Variants in THADA observed in about 807,000 individuals in gnomAD.
The protein encoded by THADA is THADA armadillo repeat containing.
In THADA, 213 loss-of-function variants were observed where a neutral mutation model predicts 219.8. The ratio of observed to expected loss-of-function variants is 0.97; its 90% CI spans 0.87 to 1.09. The LOEUF (loss-of-function observed/expected upper bound fraction) is 1.09. Among genes scored for constraint, THADA ranks in the 50% least tolerant of loss-of-function variants. THADA has a pLI of 0.00. For missense variants in THADA, 2,956 were observed against 2,311.3 expected, an observed-to-expected ratio of 1.28 and a Z score of -5.72; for synonymous variants, 1,018 against 828.9, an observed-to-expected ratio of 1.23 and a Z score of -3.92.
chr2:43,309,226 T>C (rs1390472069), intron 31 of THADA, among the ~76,000 whole-genome samples: 1 of 152,218 alleles, frequency 6.6e-6, no homozygotes, highest in Non-Finnish European at 1.5e-5. Context: ...CTCAACATTA[T>C]CAGCCATGCT....
intron 25 of THADA, among the ~76,000 whole-genome samples, chr2:43,490,381 G>A (rs1429454618): frequency 1.3e-5 from 2 of 152,164 alleles, no homozygotes; most frequent in African/African-American, 4.8e-5. Flanking sequence ...TTGAATAGGA[G>A]TGACAAGAGT....
chr2:43,454,016 C>G (rs1291240302), intron 26 of THADA, among the ~76,000 whole-genome samples: 2 of 152,146 alleles, frequency 1.3e-5, no homozygotes, highest in African/African-American at 2.4e-5. Flanking sequence ...GTAGCTAGGA[C>G]TACAGGCATG....
chr2:43,289,113 A>C lies in THADA; in HGVS notation c.5011-2052T>G, dbSNP rs138441534. Among the ~76,000 whole-genome samples, 281 of 152,316 alleles carry C rather than the reference A, an allele frequency of 1.8e-3. 1 individual carries two copies. The highest frequency in any genetic ancestry group is 6.5e-3 in the African/African-American group (271 of 41,580). Reference sequence around the variant, plus strand: ...TTCTTTTACTTAGCATAATGTTTTCAAGGTTCACCCATGCCGTAGGATGTA... The same window carrying C: ...TTCTTTTACTTAGCATAATGTTTTCCAGGTTCACCCATGCCGTAGGATGTA... On this transcript the variant is annotated intron_variant, in intron 34 of 37. Transcript: ENST00000405975.
rs1160949334 is a variant in THADA at position 43,502,383 on chromosome 2, G to A, written c.3621+3239C>T. Among the ~76,000 whole-genome samples the A allele has an allele frequency of 4.6e-5, 7 of 152,150 alleles. No individual in the cohort carries two copies. The South Asian group carries it at 1.2e-3, about 27-fold the overall frequency. On this transcript the variant is annotated intron_variant, in intron 24 of 37. Transcript: ENST00000405975. ...GAGAATCACCTGAGGTCAGGAGTTCGAGACTAGCCTGGTCAACATGGCAAA... is the reference window on the plus strand; with the variant it reads ...GAGAATCACCTGAGGTCAGGAGTTCAAGACTAGCCTGGTCAACATGGCAAA...
chr2:43,365,581 A>G (rs1435068225), intron 29 of THADA, among the ~76,000 whole-genome samples: 3 of 151,862 alleles, frequency 2.0e-5, no homozygotes, highest in African/African-American at 7.2e-5. Context: ...ACACACACAC[A>G]CACACACACA....
chr2:43,231,486 C>G (rs1667412193), intron 37 of THADA, 143 bp from the exon 38 acceptor site: 1 of 703,226 alleles, frequency 1.4e-6, no homozygotes, highest in African/African-American at 1.8e-5. Flanking sequence ...TGTCAACATC[C>G]ATGTACACAC....
chr2:43,506,055 C>T (rs1235913466), intron 23 of THADA, among the ~76,000 whole-genome samples: 1 of 152,182 alleles, frequency 6.6e-6, no homozygotes, highest in African/African-American at 2.4e-5. Flanking sequence ...AAGTAGGTGG[C>T]AGCTCTGATA....
Position 43,397,835 on chromosome 2 carries a change from C to T in THADA, c.4227+136G>A, listed in dbSNP as rs115460732. On this transcript the variant is annotated intron_variant, in intron 29 of 37. Transcript: ENST00000405975. ...TATAACTAGGAGATACCTGATCTTT[C>T]GGAAGTAGAAAAAAAAAAGTTCTAC... The T allele has an allele frequency of 2.0e-4, 154 of 787,588 alleles. 3 individuals are homozygous for T. Among genetic ancestry groups the T allele is most frequent in the African/African-American group, 1.9e-3 (109 of 57,476 alleles). The allele number at this position is 787,588 out of a possible 1,614,324, so 48.8% of individuals were successfully genotyped here.
At chr2:43,562,303 G>A (rs1039022974) in intron 15 of THADA, 1 of 152,164 alleles carries the variant, frequency 6.6e-6, no homozygotes, top group Non-Finnish European at 1.5e-5. Flanking sequence ...GGAGTACAAT[G>A]GCGCAATCTC....
chr2:43,551,820 A>T lies in THADA; in HGVS notation c.2916T>A (p.Pro972=). 1 of 1,613,812 alleles carries T rather than the reference A, an allele frequency of 6.2e-7. No individual in the cohort carries two copies. The highest frequency in any genetic ancestry group is 8.5e-7 in the Non-Finnish European group (1 of 1,179,812). The stretch of plus-strand genomic sequence containing the variant: ...CAGTGTCCATTGGGATGAGGCCTTC[A>T]GGGGATGAGCTCTGAATGACTGGAG... ...VVSPVIQSSS[P]EGLIPMDTDS... The change falls in exon 19 of 38, where the codon CCT becomes CCA. Residue 972 remains proline, a synonymous_variant. Transcript: ENST00000405975.
At position 43,574,828 on chromosome 2, in the gene THADA, T is replaced by G; in HGVS notation, c.1237A>C (p.Ile413Leu). ...PLDALRHQTK[I>L]MFKNLLQMHR... Reference sequence around the variant, plus strand: ...ATTTGGAGAAGGTTTTTGAACATGATTTTGGTTTGGTGTCTCAGAGCATCC... The same window carrying G: ...ATTTGGAGAAGGTTTTTGAACATGAGTTTGGTTTGGTGTCTCAGAGCATCC... The change falls in exon 11 of 38, where the codon ATC becomes CTC. Residue 413 changes from isoleucine to leucine, a missense_variant. Transcript: ENST00000405975. The G allele has an allele frequency of 1.2e-6, 2 of 1,614,032 alleles. No homozygotes were observed. Among genetic ancestry groups the G allele is most frequent in the Non-Finnish European group, 8.5e-7 (1 of 1,179,892 alleles).
At chr2:43,564,053 C>T (rs909263998) in intron 15 of THADA, 3 of 152,196 alleles carry the variant, frequency 2.0e-5, no homozygotes, top group Non-Finnish European at 4.4e-5. Flanking sequence ...ATTATAGGTA[C>T]GCTTCAGCCT....
intron 30 of THADA, among the ~76,000 whole-genome samples, chr2:43,338,104 G>T (rs2104518988): frequency 6.7e-6 from 1 of 149,342 alleles, no homozygotes; most frequent in South Asian, 2.1e-4. Flanking sequence ...TGAGTGTACA[G>T]TTTGCTAGTG....
At chr2:43,357,912 A>G (rs976104793) in intron 29 of THADA, among the ~76,000 whole-genome samples, 1 of 152,196 alleles carries the variant, frequency 6.6e-6, no homozygotes. Flanking sequence ...ATTTTTTTCA[A>G]GTTTTGAAAT....
At chr2:43,582,830 A>G (rs1700603326) in intron 7 of THADA, among the ~76,000 whole-genome samples, 1 of 151,774 alleles carries the variant, frequency 6.6e-6, no homozygotes, top group Non-Finnish European at 1.5e-5. Flanking sequence ...CGCCCTCCCA[A>G]AGTGCTGAGA....
chr2:43,515,325 T>C lies in THADA; in HGVS notation c.3375-6545A>G, dbSNP rs1229955275. On this transcript the variant is annotated intron_variant, in intron 22 of 37. Coordinates refer to ENST00000405975, the MANE Select transcript of THADA (RefSeq NM_022065.5). ...TATGTAATATATAATATTTTATATA[T>C]AATATATAATATAATATATAATATT... Among the ~76,000 whole-genome samples the C allele has an allele frequency of 5.4e-5, 3 of 55,964 alleles. 1 individual carries two copies. Among genetic ancestry groups the C allele is most frequent in the Non-Finnish European group, 8.7e-5 (3 of 34,652 alleles). The allele number at this position is 55,964 out of a possible 152,430, so 36.7% of individuals were successfully genotyped here. A position where few individuals can be genotyped will look rare whatever the true frequency, so the allele number is the denominator to read the frequency against.
intron 36 of THADA, among the ~76,000 whole-genome samples, chr2:43,268,997 G>T (rs1671837852): frequency 6.6e-6 from 1 of 152,220 alleles, no homozygotes; most frequent in African/African-American, 2.4e-5. Context: ...CCTGAAACTG[G>T]CTTAGGTTCA....
chr2:43,544,447 T>C (rs1574178803), intron 20 of THADA, among the ~76,000 whole-genome samples: 1 of 152,212 alleles, frequency 6.6e-6, no homozygotes. Flanking sequence ...TGGCATTGAA[T>C]CTATAAATTA....
At chr2:43,493,020 C>G (rs1051285590) in intron 25 of THADA, among the ~76,000 whole-genome samples, 1 of 152,198 alleles carries the variant, frequency 6.6e-6, no homozygotes, top group Non-Finnish European at 1.5e-5. Flanking sequence ...GTGTAGCACC[C>G]TTGTGGCAAC....
Sources: gnomAD v4.1 joint callset for allele counts (sites outside exome capture counted in the v4.1 genomes callset) on GRCh38, gnomAD v4.1.1 for gene constraint, MANE v1.5 for transcripts, NCBI Gene and HGNC (gene_info 2026-07-23, HGNC 2026-07-21) for gene names.